The following SYT16 variants were observed in gnomAD, a reference collection of about 807,000 sequenced individuals.
SYT16 encodes the protein synaptotagmin-16.
SYT16 carries 42 observed loss-of-function variants against 61.4 expected under a neutral mutation model. The observed-to-expected ratio is 0.68, with a 90% CI of 0.53 to 0.89. The LOEUF (loss-of-function observed/expected upper bound fraction) is 0.89. SYT16 is among the 40% of genes least tolerant of loss of function. SYT16 has a pLI of 0.00. For synonymous variants in SYT16, 314 were observed against 302.3 expected (o/e 1.04, Z -0.40); for missense variants, 804 against 807.3 (o/e 1.00, Z 0.05).
intron 2 of SYT16, among the ~76,000 whole-genome samples, chr14:61,971,856 C>A (rs921313769): frequency 6.6e-6 from 1 of 152,200 alleles, no homozygotes; most frequent in African/African-American, 2.4e-5. Context: ...TACAGCTTGC[C>A]ATGCAAAAGC....
At chr14:61,825,032 CAAAGTAGA>C (rs1248562165) in intron 1 of SYT16, among the ~76,000 whole-genome samples, 2 of 152,092 alleles carry the variant, frequency 1.3e-5, no homozygotes, top group Non-Finnish European at 2.9e-5. Flanking sequence ...CTTAAAATTT[CAAAGTAGA>C]AAAGAGCCCT....
intron 3 of SYT16, among the ~76,000 whole-genome samples, chr14:62,028,203 A>G (rs1220952391): frequency 6.6e-6 from 1 of 152,148 alleles, no homozygotes; most frequent in Non-Finnish European, 1.5e-5. Context: ...ATTGTCTTGC[A>G]ATGGTTTGAT....
chr14:62,035,494 A>G (rs1254737078), intron 3 of SYT16, among the ~76,000 whole-genome samples: 2 of 152,224 alleles, frequency 1.3e-5, no homozygotes, highest in Non-Finnish European at 2.9e-5. Context: ...GAAGGAATAT[A>G]TATTTAATTC....
intron 3 of SYT16, among the ~76,000 whole-genome samples, chr14:62,047,429 A>G (rs1288316366): frequency 1.3e-5 from 2 of 152,148 alleles, no homozygotes. Context: ...AACAGGGACA[A>G]TTTGACTTCC....
intron 1 of SYT16, among the ~76,000 whole-genome samples, chr14:61,904,737 C>T (rs558347574): frequency 2.6e-5 from 4 of 152,300 alleles, no homozygotes; most frequent in South Asian, 2.1e-4. Flanking sequence ...TCTCACTGGG[C>T]CTCTGAAGGC....
intron 3 of SYT16, among the ~76,000 whole-genome samples, chr14:62,051,454 G>C (rs1205960165): frequency 6.6e-6 from 1 of 152,158 alleles, no homozygotes; most frequent in Non-Finnish European, 1.5e-5. Flanking sequence ...TTTGGCTCAT[G>C]TACGGTGCGC....
intron 1 of SYT16, among the ~76,000 whole-genome samples, chr14:61,954,073 A>G (rs557110075): frequency 6.6e-6 from 1 of 152,296 alleles, no homozygotes; most frequent in Non-Finnish European, 1.5e-5. Context: ...TATAAGTGGC[A>G]TTTTAGATTT....
At chr14:61,886,253 C>A (rs750812422) in intron 1 of SYT16, among the ~76,000 whole-genome samples, 1 of 151,530 alleles carries the variant, frequency 6.6e-6, no homozygotes, top group East Asian at 2.0e-4. Flanking sequence ...CGTGAGCCAC[C>A]GCACCTGGCT....
At chr14:62,048,445 T>G (rs1300045321) in intron 3 of SYT16, among the ~76,000 whole-genome samples, 1 of 152,186 alleles carries the variant, frequency 6.6e-6, no homozygotes, top group African/African-American at 2.4e-5. Flanking sequence ...ATTCATTGAT[T>G]TTTTGAAGGG....
chr14:61,910,014 T>C lies in SYT16; in HGVS notation c.-324-60118T>C, dbSNP rs549057905. ...TTGCACAATTTGAGTGAGTCCTCAG[T>C]TTCTGTTTGCATTCATTTAAAGGTC... On this transcript the variant is annotated intron_variant, in intron 1 of 7. Transcript: ENST00000683842. Among the ~76,000 whole-genome samples the C allele has an allele frequency of 3.5e-4, 54 of 152,188 alleles. 1 individual carries two copies. The highest frequency in any genetic ancestry group is 6.2e-4 in the Non-Finnish European group (42 of 68,032).
At chr14:61,921,984 C>T (rs1265264514) in intron 1 of SYT16, among the ~76,000 whole-genome samples, 9 of 152,134 alleles carry the variant, frequency 5.9e-5, no homozygotes, top group African/African-American at 1.9e-4. Flanking sequence ...TTAAAGTGGG[C>T]CCAGGGTTCT....
chr14:61,938,161 T>A (rs1022163051), intron 1 of SYT16, among the ~76,000 whole-genome samples: 2 of 151,866 alleles, frequency 1.3e-5, no homozygotes, highest in African/African-American at 4.8e-5. Flanking sequence ...TTTTAAGAAA[T>A]GAGATACGCA....
chr14:61,870,386 C>T (rs74916436), intron 1 of SYT16, among the ~76,000 whole-genome samples: 10,945 of 151,148 alleles, frequency 0.072, 505 homozygotes, highest in Non-Finnish European at 0.1. Context: ...TTTTTTCTTG[C>T]CTGCTTTTCA....
At chr14:62,000,516 T>C (rs1015730881) in intron 3 of SYT16, among the ~76,000 whole-genome samples, 1 of 152,048 alleles carries the variant, frequency 6.6e-6, no homozygotes, top group Non-Finnish European at 1.5e-5. Flanking sequence ...GCTTCCACTT[T>C]TAATTTGTTT....
chr14:61,855,018 T>C (rs1247904723), intron 1 of SYT16, among the ~76,000 whole-genome samples: 1 of 152,124 alleles, frequency 6.6e-6, no homozygotes, highest in Non-Finnish European at 1.5e-5. Context: ...GTATAGGAAA[T>C]GGGGAAGCAA....
chr14:62,015,487 C>T (rs2053634764), intron 3 of SYT16, among the ~76,000 whole-genome samples: 1 of 66,592 alleles, frequency 1.5e-5, no homozygotes, highest in African/African-American at 6.2e-5. Flanking sequence ...CCTTGACCTT[C>T]TCCTCCCAAC....
intron 2 of SYT16, among the ~76,000 whole-genome samples, chr14:61,992,676 A>C (rs950005848): frequency 6.6e-5 from 10 of 152,062 alleles, no homozygotes; most frequent in African/African-American, 2.2e-4. Context: ...CTTGTATGCC[A>C]CAGTACAGAA....
intron 3 of SYT16, among the ~76,000 whole-genome samples, chr14:62,007,752 A>G (rs910112703): frequency 3.9e-5 from 6 of 152,164 alleles, no homozygotes; most frequent in African/African-American, 1.4e-4. Context: ...GACAGATTCA[A>G]AATAAGAAAA....
At chr14:61,901,864 C>T (rs749721843) in intron 1 of SYT16, among the ~76,000 whole-genome samples, 8 of 151,776 alleles carry the variant, frequency 5.3e-5, no homozygotes, top group South Asian at 4.2e-4. Context: ...TGGGTTCAAG[C>T]GATTCTCCTG....
Sources: allele counts gnomAD v4.1 joint callset (sites outside exome capture counted in the v4.1 genomes callset), GRCh38; gene constraint gnomAD v4.1.1; transcripts MANE v1.5; gene names NCBI Gene and HGNC (gene_info 2026-07-23, HGNC 2026-07-21).